Variants in GALNT13 observed in about 807,000 individuals in gnomAD.
The protein encoded by GALNT13 is polypeptide N-acetylgalactosaminyltransferase 13.
In GALNT13, 28 loss-of-function variants were observed where a neutral mutation model predicts 64.2. That is an observed-to-expected ratio of 0.44 (90% CI 0.32 to 0.60). The LOEUF is 0.60. Ranked by LOEUF, GALNT13 falls within the 20% of genes least tolerant of loss-of-function variation. GALNT13 has a pLI of 0.05. For synonymous variants in GALNT13, 214 were observed against 224.6 expected (o/e 0.95, Z 0.42); for missense variants, 577 against 669.8 (o/e 0.86, Z 1.53).
the GALNT13 span, among the ~76,000 whole-genome samples, chr2:153,385,449 C>T: frequency 2.0e-4 from 31 of 152,104 alleles, no homozygotes; most frequent in Non-Finnish European, 2.9e-4. Flanking sequence ...AGACAAACAT[C>T]ACATGTTCTC....
At chr2:153,444,200 C>T in the GALNT13 span, among the ~76,000 whole-genome samples, 1 of 152,102 alleles carries the variant, frequency 6.6e-6, no homozygotes, top group African/African-American at 2.4e-5. Context: ...CACCCGCTGA[C>T]CTACCTACCT....
At chr2:154,136,298 A>T (rs896368731) in intron 3 of GALNT13, among the ~76,000 whole-genome samples, 10 of 152,332 alleles carry the variant, frequency 6.6e-5, no homozygotes, top group African/African-American at 2.4e-4. Flanking sequence ...ATTCAATGTT[A>T]TGCTTGTACC....
At chr2:153,801,427 A>G in the GALNT13 span, among the ~76,000 whole-genome samples, 1 of 151,918 alleles carries the variant, frequency 6.6e-6, no homozygotes, top group African/African-American at 2.4e-5. Flanking sequence ...AGGCCATTGT[A>G]GAGATATTAA....
At chr2:153,291,667 G>T in the GALNT13 span, among the ~76,000 whole-genome samples, 1 of 148,670 alleles carries the variant, frequency 6.7e-6, no homozygotes, top group Non-Finnish European at 1.5e-5. Context: ...TCTGGCAGAT[G>T]CTCCACACAT....
upstream of GALNT13, among the ~76,000 whole-genome samples, chr2:153,867,666 T>C (rs1003780588): frequency 1.3e-5 from 2 of 151,932 alleles, no homozygotes; most frequent in African/African-American, 2.4e-5. Flanking sequence ...CTCACCATAA[T>C]GTAGAATCAG....
intron 3 of GALNT13, among the ~76,000 whole-genome samples, chr2:153,953,413 C>CA (rs1187163903): frequency 6.6e-6 from 1 of 151,918 alleles, no homozygotes; most frequent in African/African-American, 2.4e-5. Flanking sequence ...TAAATTCTCA[C>CA]AAAAAAATCT....
the GALNT13 span, chr2:153,421,541 G>A: frequency 4.3e-6 from 1 of 232,834 alleles, no homozygotes; most frequent in Non-Finnish European, 9.8e-6. Flanking sequence ...CCCAGAACCA[G>A]TTTCTCCACC....
the GALNT13 span, among the ~76,000 whole-genome samples, chr2:153,260,824 G>C: frequency 6.6e-6 from 1 of 152,064 alleles, no homozygotes; most frequent in Non-Finnish European, 1.5e-5. Flanking sequence ...AAGACCAGTA[G>C]CTCTTGGATT....
the GALNT13 span, among the ~76,000 whole-genome samples, chr2:153,860,649 C>A: frequency 6.6e-6 from 1 of 152,108 alleles, no homozygotes; most frequent in Non-Finnish European, 1.5e-5. Context: ...TTCCTAACTA[C>A]AAAGTGGTTA....
At chr2:153,845,091 C>A in the GALNT13 span, among the ~76,000 whole-genome samples, 9 of 152,192 alleles carry the variant, frequency 5.9e-5, no homozygotes, top group African/African-American at 2.2e-4. Context: ...AGTCTTTCAA[C>A]TTTGGCATGT....
the GALNT13 span, among the ~76,000 whole-genome samples, chr2:153,545,208 T>C: frequency 6.6e-6 from 1 of 152,160 alleles, no homozygotes; most frequent in Non-Finnish European, 1.5e-5. Flanking sequence ...CTTAATTTGT[T>C]AAGCTCCTGC....
At chr2:154,374,098 T>C (rs1451570050) in intron 9 of GALNT13, among the ~76,000 whole-genome samples, 1 of 152,186 alleles carries the variant, frequency 6.6e-6, no homozygotes, top group Non-Finnish European at 1.5e-5. Flanking sequence ...CTTTCTTCCT[T>C]CTTCACTCTT....
At chr2:153,893,504 G>A (rs73005971) in intron 1 of GALNT13, among the ~76,000 whole-genome samples, 10,218 of 151,878 alleles carry the variant, frequency 0.067, 547 homozygotes, top group African/African-American at 0.13. Flanking sequence ...CCATTTAGAC[G>A]TAACAATGTT....
At chr2:154,251,582 T>C (rs1017325975) in intron 7 of GALNT13, among the ~76,000 whole-genome samples, 2 of 152,178 alleles carry the variant, frequency 1.3e-5, no homozygotes, top group African/African-American at 4.8e-5. Flanking sequence ...TAAGCTTCCA[T>C]GTCTAGAGCC....
chr2:154,442,274 C>A (rs1012052652), intron 12 of GALNT13, among the ~76,000 whole-genome samples: 4 of 152,194 alleles, frequency 2.6e-5, no homozygotes, highest in South Asian at 4.1e-4. Context: ...TATACATATT[C>A]ATAATATAAT....
chr2:154,355,388 C>G lies in GALNT13; in HGVS notation c.1157-40603C>G, dbSNP rs1193686512. 2.0e-5 allele frequency among the ~76,000 whole-genome samples: 3 copies of G among 152,142 alleles called. No individual in the cohort carries two copies. In the East Asian group the frequency reaches 5.8e-4, roughly 29 times the overall value. On this transcript the variant is annotated intron_variant, in intron 9 of 12. Coordinates refer to ENST00000392825, the MANE Select transcript of GALNT13 (RefSeq NM_052917.4). ...CAATTTCTTAGGATTCAATCTAATC[C>G]TTCCTTGAATATGCAAGATATGAGT...
At chr2:153,460,267 T>C in the GALNT13 span, among the ~76,000 whole-genome samples, 1 of 152,146 alleles carries the variant, frequency 6.6e-6, no homozygotes, top group Non-Finnish European at 1.5e-5. Context: ...AAAAACCATA[T>C]AGTATAATTT....
intron 3 of GALNT13, among the ~76,000 whole-genome samples, chr2:153,976,799 T>C (rs952317793): frequency 6.6e-6 from 1 of 152,108 alleles, no homozygotes; most frequent in East Asian, 1.9e-4. Context: ...TTGATATTTT[T>C]AGAAAATTTG....
chr2:153,391,359 G>C, the GALNT13 span, among the ~76,000 whole-genome samples: 5 of 151,946 alleles, frequency 3.3e-5, no homozygotes, highest in African/African-American at 9.7e-5. Context: ...ACTGTAGATG[G>C]GGGTACAGTC....
Sources: gnomAD v4.1 joint callset for allele counts (sites outside exome capture counted in the v4.1 genomes callset) on GRCh38, gnomAD v4.1.1 for gene constraint, MANE v1.5 for transcripts, NCBI Gene and HGNC (gene_info 2026-07-23, HGNC 2026-07-21) for gene names.